The following CCDC38 variants were observed in gnomAD, a reference collection of about 807,000 sequenced individuals.
CCDC38 encodes coiled-coil domain containing 38.
In CCDC38, 69 loss-of-function variants were observed where a neutral mutation model predicts 72.8. The ratio of observed to expected loss-of-function variants is 0.95; its 90% CI spans 0.78 to 1.16. The LOEUF (loss-of-function observed/expected upper bound fraction) is 1.16, where lower values mean the gene tolerates loss of function less well. Ranked by LOEUF, CCDC38 falls within the 50% of genes most tolerant of loss-of-function variation. CCDC38 has a pLI of 0.00. For missense variants in CCDC38, 626 were observed against 638.9 expected (o/e 0.98, Z 0.22); for synonymous variants, 201 against 213.2 (o/e 0.94, Z 0.50).
chr12:95,890,612 G>C (rs954900907), intron 9 of CCDC38, among the ~76,000 whole-genome samples: 1 of 152,164 alleles, frequency 6.6e-6, no homozygotes, highest in African/African-American at 2.4e-5. Flanking sequence ...TATGTCTCAG[G>C]GGCCCTCTTC....
chr12:95,878,446 A>G, intron 12 of CCDC38, 100 bp from the exon 13 acceptor site: 2 of 1,161,792 alleles, frequency 1.7e-6, no homozygotes, highest in South Asian at 1.4e-5. Flanking sequence ...GTCAAAATCC[A>G]TGTAGTGAGC....
Position 95,869,625 on chromosome 12 carries a change from GAAA to G in CCDC38, c.1485-55_1485-53del, listed in dbSNP as rs771187516. On this transcript the variant is annotated intron_variant, in intron 14 of 15. Coordinates refer to ENST00000344280, the MANE Select transcript of CCDC38 (RefSeq NM_182496.3). ...TGTAACTATAAATCACATTGAGTAA[GAAA>G]AGTACATTACTATTTGTTAATGAGC... The G allele has an allele frequency of 3.7e-6, 5 of 1,336,292 alleles. No homozygotes were observed. In the East Asian group the frequency reaches 1.2e-4, roughly 31 times the overall value. The allele number at this position is 1,336,292 out of a possible 1,614,324, so 82.8% of individuals were successfully genotyped here. A position where few individuals can be genotyped will look rare whatever the true frequency, so the allele number is the denominator to read the frequency against.
intron 12 of CCDC38, among the ~76,000 whole-genome samples, chr12:95,878,823 A>AG (rs756252725): frequency 1.3e-5 from 2 of 152,172 alleles, no homozygotes; most frequent in Non-Finnish European, 2.9e-5. Flanking sequence ...AGGTGGGTGG[A>AG]GGGCCATTAG....
chr12:95,904,658 C>T (rs1253120626), intron 5 of CCDC38, among the ~76,000 whole-genome samples: 1 of 152,174 alleles, frequency 6.6e-6, no homozygotes, highest in African/African-American at 2.4e-5. Context: ...GCTTCAGTGT[C>T]TAGAGTTTTC....
chr12:95,893,213 T>A (rs545352881), intron 8 of CCDC38, among the ~76,000 whole-genome samples: 1 of 152,238 alleles, frequency 6.6e-6, no homozygotes, highest in Non-Finnish European at 1.5e-5. Flanking sequence ...CGTAGCTTTC[T>A]ATTTCTCAAA....
chr12:95,902,992 G>T (rs2079965499), intron 5 of CCDC38, among the ~76,000 whole-genome samples: 1 of 152,106 alleles, frequency 6.6e-6, no homozygotes, highest in African/African-American at 2.4e-5. Flanking sequence ...AATCTGGAAA[G>T]ATTTGGCATC....
intron 3 of CCDC38, among the ~76,000 whole-genome samples, chr12:95,918,042 G>A (rs746014318): frequency 1.4e-4 from 22 of 152,048 alleles, no homozygotes; most frequent in Admixed American, 4.6e-4. Flanking sequence ...AGGAACCATC[G>A]CATACAGATG....
chr12:95,938,157 A>G (rs2080413493), intron 1 of CCDC38, among the ~76,000 whole-genome samples: 1 of 152,224 alleles, frequency 6.6e-6, no homozygotes, highest in African/African-American at 2.4e-5. Flanking sequence ...AATGAATAAA[A>G]ACTATAACAT....
intron 2 of CCDC38, among the ~76,000 whole-genome samples, chr12:95,930,750 A>G (rs10745739): frequency 0.53 from 79,826 of 151,844 alleles, 21,643 homozygotes; most frequent in East Asian, 0.92. Flanking sequence ...CATGTCTTCT[A>G]CCTCAACACA....
At chr12:95,877,917 T>C (rs1265816903) in intron 13 of CCDC38, among the ~76,000 whole-genome samples, 1 of 152,222 alleles carries the variant, frequency 6.6e-6, no homozygotes, top group Non-Finnish European at 1.5e-5. Context: ...AGTGAACTAC[T>C]ACATATGTCT....
chr12:95,867,390 A>G (rs2079532181), intron 15 of CCDC38, among the ~76,000 whole-genome samples: 2 of 152,230 alleles, frequency 1.3e-5, no homozygotes, highest in South Asian at 2.1e-4. Flanking sequence ...CTGGACACCA[A>G]TAACTATGCA....
At chr12:95,891,796 C>T (rs1056574511) in intron 8 of CCDC38, among the ~76,000 whole-genome samples, 4 of 152,076 alleles carry the variant, frequency 2.6e-5, no homozygotes, top group Admixed American at 2.6e-4. Context: ...TTTAATCACA[C>T]TTGGCACAGT....
chr12:95,929,497 C>G (rs2080313252), intron 2 of CCDC38, among the ~76,000 whole-genome samples: 1 of 152,184 alleles, frequency 6.6e-6, no homozygotes, highest in African/African-American at 2.4e-5. Context: ...AATCACCTGT[C>G]TTCTGCGTTG....
In CCDC38 at chr12:95,916,379, G is replaced by GCCTGCCTTCCTTCCTTCCTTCCTTCCTT. The variant is rs1457231674; in HGVS notation, c.304+749_304+750insAAGGAAGGAAGGAAGGAAGGAAGGCAGG. ...GAAAATTTTTTTAAGTTGCCTGCCT[G>GCCTGCCTTCCTTCCTTCCTTCCTTCCTT]CCTTCCTTCCTTCCTTCCTTCCTTC... is the stretch of plus-strand genomic sequence containing the variant. On this transcript the variant is annotated intron_variant, in intron 4 of 15. Transcript: ENST00000344280. Among the ~76,000 whole-genome samples the GCCTGCCTTCCTTCCTTCCTTCCTTCCTT allele has an allele frequency of 1.0e-3, 150 of 147,438 alleles. 1 individual carries two copies. Among genetic ancestry groups the GCCTGCCTTCCTTCCTTCCTTCCTTCCTT allele is most frequent in the South Asian group, 5.5e-3 (25 of 4,532 alleles).
chr12:95,921,910 TG>T (rs919501820), intron 2 of CCDC38, among the ~76,000 whole-genome samples: 1 of 152,182 alleles, frequency 6.6e-6, no homozygotes, highest in Non-Finnish European at 1.5e-5. Flanking sequence ...AGAATCATTT[TG>T]GCTCCACCCA....
chr12:95,928,173 C>T (rs1311676922), intron 2 of CCDC38, among the ~76,000 whole-genome samples: 11 of 151,992 alleles, frequency 7.2e-5, no homozygotes, highest in Admixed American at 4.6e-4. Flanking sequence ...CTTTCAGGTA[C>T]ACCAATCAGA....
intron 2 of CCDC38, chr12:95,919,363 C>G: frequency 5.3e-6 from 2 of 378,514 alleles, no homozygotes; most frequent in Non-Finnish European, 1.0e-5. Context: ...GGTTGAGGTA[C>G]GGCTGCTGGG....
intron 2 of CCDC38, among the ~76,000 whole-genome samples, chr12:95,932,561 T>C (rs2080349453): frequency 6.6e-6 from 1 of 152,150 alleles, no homozygotes; most frequent in Non-Finnish European, 1.5e-5. Context: ...GGTTAGTATA[T>C]AAAAGGCACT....
intron 1 of CCDC38, among the ~76,000 whole-genome samples, chr12:95,938,379 GTCACATTTTCACTCCTTTGGTCCT>G (rs1391445110): frequency 6.6e-6 from 1 of 152,060 alleles, no homozygotes; most frequent in Non-Finnish European, 1.5e-5. Context: ...CCTCTTTCTT[GTCACATTTTCACTCCTTTGGTCCT>G]TCTATCTATC....
Sources: gnomAD v4.1 joint callset for allele counts (sites outside exome capture counted in the v4.1 genomes callset) on GRCh38, gnomAD v4.1.1 for gene constraint, MANE v1.5 for transcripts, NCBI Gene and HGNC (gene_info 2026-07-23, HGNC 2026-07-21) for gene names.